Variants in ADGRF4 observed in about 807,000 individuals in gnomAD.
The protein encoded by ADGRF4 is adhesion G protein-coupled receptor F4, also known as G-protein coupled receptor PGR18.
ADGRF4 carries 63 observed loss-of-function variants against 58.5 expected under a neutral mutation model. That is an observed-to-expected ratio of 1.08 (90% CI 0.88 to 1.33). The LOEUF (loss-of-function observed/expected upper bound fraction) is 1.33, where lower values mean the gene tolerates loss of function less well. ADGRF4 is among the 40% of genes most tolerant of loss of function. The pLI is 0.00. For synonymous variants in ADGRF4, 313 were observed against 295.4 expected, an observed-to-expected ratio of 1.06 and a Z score of -0.61; for missense variants, 931 against 843.9, an observed-to-expected ratio of 1.10 and a Z score of -1.28.
intron 3 of ADGRF4, 73 bp downstream of exon 3, chr6:47,708,351 GC>G (rs1771773568): frequency 8.6e-7 from 1 of 1,164,328 alleles, no homozygotes; most frequent in South Asian, 1.2e-5. Context: ...GATGTTGCAA[GC>G]TTGTCCCCAG....
At chr6:47,717,183 C>T in intron 7 of ADGRF4, 109 bp from the exon 8 acceptor site, 4 of 801,534 alleles carry the variant, frequency 5.0e-6, no homozygotes, top group Non-Finnish European at 9.1e-6. Context: ...ATGCTAAGTC[C>T]TCTGATATTG....
chr6:47,704,053 C>CT (rs530820131), intron 1 of ADGRF4, among the ~76,000 whole-genome samples: 1,596 of 145,774 alleles, frequency 0.011, 18 homozygotes, highest in African/African-American at 0.033. Context: ...AGGTGCTATT[C>CT]TTTTTTTTTT....
chr6:47,701,504 T>C (rs1771587633), intron 1 of ADGRF4, among the ~76,000 whole-genome samples: 1 of 152,186 alleles, frequency 6.6e-6, no homozygotes, highest in Non-Finnish European at 1.5e-5. Flanking sequence ...GTATAGCAAT[T>C]GGAGGGAATT....
intron 1 of ADGRF4, among the ~76,000 whole-genome samples, chr6:47,702,946 A>G (rs562407817): frequency 1.3e-5 from 2 of 152,356 alleles, no homozygotes; most frequent in African/African-American, 2.4e-5. Flanking sequence ...TCAGGCTCCC[A>G]TATGAAAGCT....
At chr6:47,700,427 C>T (rs919728142) in intron 1 of ADGRF4, among the ~76,000 whole-genome samples, 1 of 152,212 alleles carries the variant, frequency 6.6e-6, no homozygotes, top group African/African-American at 2.4e-5. Context: ...TAAATTCCAA[C>T]TCATTCAGAA....
intron 1 of ADGRF4, among the ~76,000 whole-genome samples, chr6:47,699,843 T>A (rs1227534879): frequency 6.6e-6 from 1 of 151,530 alleles, no homozygotes; most frequent in Non-Finnish European, 1.5e-5. Flanking sequence ...CTAATTATAC[T>A]ACTGGAACAG....
intron 1 of ADGRF4, among the ~76,000 whole-genome samples, chr6:47,702,086 G>T (rs990815195): frequency 6.6e-6 from 1 of 152,182 alleles, no homozygotes; most frequent in Non-Finnish European, 1.5e-5. Context: ...TGGTCCACCC[G>T]CCTTGGCCTC....
chr6:47,709,553 G>A (rs1439078650), intron 3 of ADGRF4, among the ~76,000 whole-genome samples: 3 of 152,120 alleles, frequency 2.0e-5, no homozygotes, highest in Non-Finnish European at 4.4e-5. Flanking sequence ...GAATAATATC[G>A]CATGGGTCAT....
In ADGRF4 at chr6:47,717,282, G is replaced by A; in HGVS notation, c.1975-10G>A. On this transcript the variant is annotated splice_polypyrimidine_tract_variant and intron_variant, in intron 7 of 9. Transcript: ENST00000283303. ...CTGTGAGGTACTTCTCATTGTCATTGCTTCTTTAGATAAGAGATGCTTTGA... is the reference window on the plus strand; with the variant it reads ...CTGTGAGGTACTTCTCATTGTCATTACTTCTTTAGATAAGAGATGCTTTGA... 1 of 1,598,984 alleles carries A rather than the reference G, an allele frequency of 6.3e-7. No individual in the cohort carries two copies. Among genetic ancestry groups the A allele is most frequent in the Non-Finnish European group, 8.6e-7 (1 of 1,166,146 alleles).
rs1474641708 is a variant in ADGRF4, at chr6:47,721,695, G to A, written c.*490G>A. ...TGGGAGTGGGAGTGTGGGTTGGCAG[G>A]AGGAAGAATGAGTCTACTTTGGAGA... is the stretch of plus-strand genomic sequence containing the variant. On this transcript the variant is annotated 3_prime_UTR_variant, in exon 10 of 10. Coordinates refer to ENST00000283303, the MANE Select transcript of ADGRF4 (RefSeq NM_153838.5). 6.6e-6 allele frequency: 1 copy of A among 152,154 alleles called. No homozygotes were observed. The highest frequency in any genetic ancestry group is 1.5e-5 in the Non-Finnish European group (1 of 68,034). 9.4% of individuals were successfully genotyped at this position (152,154 alleles called of 1,614,324 possible).
rs1249341167 is a variant in ADGRF4 at position 47,714,177 on chromosome 6, G to A, written c.932G>A (p.Ser311Asn). The A allele has an allele frequency of 6.2e-7, 1 of 1,614,008 alleles. No individual in the cohort carries two copies. Among genetic ancestry groups the A allele is most frequent in the East Asian group, 2.2e-5 (1 of 44,878 alleles). The change falls in exon 6 of 10, where the codon AGT (serine) becomes AAT (asparagine). Residue 311 changes from serine (S) to asparagine (N), a missense_variant. Physicochemically the swap from Ser to Asn is conservative, Grantham distance 46 (BLOSUM62 1). Coordinates refer to ENST00000283303, the MANE Select transcript of ADGRF4 (RefSeq NM_153838.5). The part of the protein sequence containing the change: ...ILREAHLQNV[S>N]LPRQVNGLVL... ...AGAGAAGCCCACTTGCAAAATGTGA[G>A]TCTTCCCAGACAGGTAAATGGTCTG...
In ADGRF4 at chr6:47,700,384, A is replaced by G. The variant is rs1049328668; in HGVS notation, c.-17+1590A>G. 3.9e-5 allele frequency among the ~76,000 whole-genome samples: 6 copies of G among 152,196 alleles called. No homozygotes were observed. The East Asian group carries it at 7.7e-4, about 20-fold the overall frequency. On this transcript the variant is annotated intron_variant, in intron 1 of 9. Transcript: ENST00000283303. ...TTCCATCTGGCATGTTTCAGAAAGAAGCTCCAGTACCCAGACAGACTCACT... is the reference window on the plus strand; with the variant it reads ...TTCCATCTGGCATGTTTCAGAAAGAGGCTCCAGTACCCAGACAGACTCACT...
At chr6:47,705,080 C>A (rs1273418704) in intron 1 of ADGRF4, among the ~76,000 whole-genome samples, 3 of 152,252 alleles carry the variant, frequency 2.0e-5, no homozygotes, top group East Asian at 1.9e-4. Flanking sequence ...AGACGCCTGC[C>A]ACCACACTTG....
At chr6:47,706,367 G>A (rs1029783672) in intron 1 of ADGRF4, among the ~76,000 whole-genome samples, 1 of 152,190 alleles carries the variant, frequency 6.6e-6, no homozygotes, top group Non-Finnish European at 1.5e-5. Context: ...TAGTTTCTCT[G>A]TATAGTAGTT....
At chr6:47,699,199 C>G (rs1581687098) in intron 1 of ADGRF4, among the ~76,000 whole-genome samples, 1 of 152,162 alleles carries the variant, frequency 6.6e-6, no homozygotes, top group East Asian at 1.9e-4. Context: ...CCTGAAAAAG[C>G]TATCATTGTA....
At chr6:47,700,308 C>A (rs868274867) in intron 1 of ADGRF4, among the ~76,000 whole-genome samples, 4 of 152,186 alleles carry the variant, frequency 2.6e-5, no homozygotes, top group African/African-American at 9.6e-5. Context: ...CCGCACTCAG[C>A]GTGTTCAGAC....
At chr6:47,706,333 TAG>T (rs1251589768) in intron 1 of ADGRF4, among the ~76,000 whole-genome samples, 2 of 152,214 alleles carry the variant, frequency 1.3e-5, no homozygotes, top group Admixed American at 6.5e-5. Context: ...GGCAAAAGAA[TAG>T]AGAGTTATCT....
chr6:47,713,768 T>C, intron 5 of ADGRF4, 30 bp from the exon 6 acceptor site: 5 of 1,476,422 alleles, frequency 3.4e-6, no homozygotes, highest in Non-Finnish European at 3.6e-6. Flanking sequence ...TGTAAATCCT[T>C]AGTATAATGT....
chr6:47,719,362 G>A (rs1226117842), intron 9 of ADGRF4, among the ~76,000 whole-genome samples: 11 of 152,106 alleles, frequency 7.2e-5, no homozygotes, highest in Non-Finnish European at 5.9e-5. Context: ...ATGTGTTAGT[G>A]CTGGGAAAAC....
Sources: allele counts gnomAD v4.1 joint callset (sites outside exome capture counted in the v4.1 genomes callset), GRCh38; gene constraint gnomAD v4.1.1; transcripts MANE v1.5; gene names NCBI Gene and HGNC (gene_info 2026-07-23, HGNC 2026-07-21).